EXOC4: variants seen among roughly 807,000 people sequenced by gnomAD.
EXOC4 encodes exocyst complex component 4.
A neutral mutation model predicts 107.2 loss-of-function variants in EXOC4; 71 were observed. The observed-to-expected ratio is 0.66, with a 90% CI of 0.55 to 0.81. EXOC4 has a LOEUF of 0.81. EXOC4 is among the 30% of genes least tolerant of loss of function. The pLI is 0.00. For synonymous variants in EXOC4, 456 were observed against 441.2 expected (o/e 1.03, Z -0.42); for missense variants, 1,108 against 1,189.6 (o/e 0.93, Z 1.01).
intron 9 of EXOC4, among the ~76,000 whole-genome samples, chr7:133,548,011 AGTCTT>A (rs556684727): frequency 6.9e-6 from 1 of 145,064 alleles, no homozygotes; most frequent in African/African-American, 2.7e-5. Context: ...TAGCAGCTAT[AGTCTT>A]ATGAAATGTG....
At chr7:133,540,191 A>G (rs907672261) in intron 9 of EXOC4, among the ~76,000 whole-genome samples, 1 of 152,170 alleles carries the variant, frequency 6.6e-6, no homozygotes, top group Admixed American at 6.5e-5. Context: ...CACTAATGCA[A>G]TTGCTTATAG....
chr7:133,632,727 G>A (rs1305724032), intron 10 of EXOC4, among the ~76,000 whole-genome samples: 1 of 151,714 alleles, frequency 6.6e-6, no homozygotes, highest in Non-Finnish European at 1.5e-5. Flanking sequence ...TACTTATGAT[G>A]CATATTTTCC....
intron 11 of EXOC4, among the ~76,000 whole-genome samples, chr7:133,856,166 C>T (rs1180951699): frequency 1.3e-5 from 2 of 152,232 alleles, no homozygotes; most frequent in Non-Finnish European, 2.9e-5. Context: ...AGCTATGTGG[C>T]CTTTCACAGG....
rs200027045 is a variant in EXOC4 at position 133,751,657 on chromosome 7, A to C, written c.1515-65668A>C. ...CTTTGTTGTTCTTTTATTTCTGTCA[A>C]AACCACAGCTTCATATATAGCTCTT... On this transcript the variant is annotated intron_variant, in intron 10 of 17. Transcript: ENST00000253861. Among the ~76,000 whole-genome samples, 20 of 152,272 alleles carry C rather than the reference A, an allele frequency of 1.3e-4. No individual in the cohort carries two copies. In the East Asian group the frequency reaches 2.9e-3, roughly 22 times the overall value.
At chr7:133,579,788 G>A (rs762508519) in intron 9 of EXOC4, among the ~76,000 whole-genome samples, 11 of 151,756 alleles carry the variant, frequency 7.2e-5, no homozygotes, top group South Asian at 2.1e-4. Context: ...CCGGGTTCAA[G>A]TGATCCTCCT....
chr7:133,275,278 C>CA lies in EXOC4; in HGVS notation c.276+111dup, dbSNP rs1160262613. ...GCTAATGGTCCTTAACAAAGTGATTCAAAATGCCACTTTTCAGGAGTTCTG... is the reference window on the plus strand; with the variant it reads ...GCTAATGGTCCTTAACAAAGTGATTCAAAAATGCCACTTTTCAGGAGTTCTG... On this transcript the variant is annotated intron_variant, in intron 2 of 17. Transcript: ENST00000253861. 7 of 903,798 alleles carry CA rather than the reference C, an allele frequency of 7.7e-6. No homozygotes were observed. The African/African-American group carries it at 1.2e-4, about 15-fold the overall frequency. 56.0% of individuals were successfully genotyped at this position (903,798 alleles called of 1,614,324 possible).
intron 9 of EXOC4, among the ~76,000 whole-genome samples, chr7:133,580,211 A>G (rs1801223457): frequency 6.6e-6 from 1 of 152,168 alleles, no homozygotes; most frequent in Non-Finnish European, 1.5e-5. Context: ...CTATTGATGG[A>G]CATATACCTT....
At chr7:133,409,216 G>T (rs1298259617) in intron 7 of EXOC4, among the ~76,000 whole-genome samples, 1 of 152,094 alleles carries the variant, frequency 6.6e-6, no homozygotes, top group Non-Finnish European at 1.5e-5. Context: ...ACTTTATTGA[G>T]GCTTTGTTTT....
At chr7:133,574,079 G>A (rs1801078328) in intron 9 of EXOC4, among the ~76,000 whole-genome samples, 1 of 152,072 alleles carries the variant, frequency 6.6e-6, no homozygotes, top group Admixed American at 6.6e-5. Context: ...CTAATAAGTT[G>A]CTGTGCTTAT....
intron 11 of EXOC4, among the ~76,000 whole-genome samples, chr7:133,878,747 G>C (rs556534333): frequency 6.6e-6 from 1 of 151,942 alleles, no homozygotes; most frequent in Admixed American, 6.6e-5. Context: ...TTTTTGAGAC[G>C]AAGTCTTGCT....
At chr7:133,879,555 A>G (rs1798921053) in intron 11 of EXOC4, among the ~76,000 whole-genome samples, 4 of 152,194 alleles carry the variant, frequency 2.6e-5, no homozygotes, top group Admixed American at 2.6e-4. Context: ...TTTTGTTTTA[A>G]TAGCCACCTT....
At chr7:133,335,205 T>A (rs910127308) in intron 5 of EXOC4, among the ~76,000 whole-genome samples, 1 of 152,206 alleles carries the variant, frequency 6.6e-6, no homozygotes, top group Non-Finnish European at 1.5e-5. Flanking sequence ...AAATTTTTTT[T>A]AATGTTTTAA....
intron 14 of EXOC4, among the ~76,000 whole-genome samples, chr7:133,943,391 A>G (rs557222438): frequency 6.6e-6 from 1 of 152,318 alleles, no homozygotes; most frequent in South Asian, 2.1e-4. Context: ...TGCTAAAGGG[A>G]AAAGGTTTTG....
At chr7:133,850,775 TC>T (rs1161279958) in intron 11 of EXOC4, among the ~76,000 whole-genome samples, 1 of 152,148 alleles carries the variant, frequency 6.6e-6, no homozygotes, top group Non-Finnish European at 1.5e-5. Context: ...TGGCCTCCTT[TC>T]CTTTTTTAAC....
intron 9 of EXOC4, among the ~76,000 whole-genome samples, chr7:133,621,127 A>T (rs1453276006): frequency 6.6e-6 from 1 of 152,196 alleles, no homozygotes. Context: ...CTCCAGGTGA[A>T]CACATTTTAC....
At chr7:133,736,102 T>C (rs1196512471) in intron 10 of EXOC4, among the ~76,000 whole-genome samples, 1 of 151,884 alleles carries the variant, frequency 6.6e-6, no homozygotes, top group East Asian at 1.9e-4. Context: ...AAAAAAAAGA[T>C]ATTTATTTTC....
intron 7 of EXOC4, among the ~76,000 whole-genome samples, chr7:133,431,459 C>A (rs1389030884): frequency 2.0e-5 from 3 of 152,144 alleles, no homozygotes; most frequent in Non-Finnish European, 4.4e-5. Context: ...TTGTACCCTC[C>A]CTTGTGAGTC....
intron 7 of EXOC4, among the ~76,000 whole-genome samples, chr7:133,424,860 T>G (rs1472182604): frequency 6.6e-6 from 1 of 152,212 alleles, no homozygotes; most frequent in African/African-American, 2.4e-5. Flanking sequence ...GTTTAGCCTG[T>G]GACTTGGTAA....
At chr7:133,537,298 C>CCA (rs1554469167) in intron 9 of EXOC4, among the ~76,000 whole-genome samples, 1 of 144,614 alleles carries the variant, frequency 6.9e-6, no homozygotes, top group African/African-American at 2.6e-5. Flanking sequence ...TTACAGGCAC[C>CCA]CCCCCCCCCA....
Sources: gnomAD v4.1 joint callset for allele counts (sites outside exome capture counted in the v4.1 genomes callset) on GRCh38, gnomAD v4.1.1 for gene constraint, MANE v1.5 for transcripts, NCBI Gene and HGNC (gene_info 2026-07-23, HGNC 2026-07-21) for gene names.